NFIB: variants seen among roughly 807,000 people sequenced by gnomAD.
NFIB encodes nuclear factor I B.
A neutral mutation model predicts 61.5 loss-of-function variants in NFIB; 11 were observed. The observed-to-expected ratio is 0.18, with a 90% CI of 0.11 to 0.30. The LOEUF is 0.30. NFIB is among the 10% of genes least tolerant of loss of function. The probability of loss-of-function intolerance (pLI) is 1.00; values close to 1 mark genes in which losing one functional copy is unlikely to be tolerated. For missense variants in NFIB, 471 were observed against 608.9 expected, an observed-to-expected ratio of 0.77 and a Z score of 2.38; for synonymous variants, 260 against 216.5, an observed-to-expected ratio of 1.20 and a Z score of -1.76.
chr9:14,109,408 C>CG (rs1439375356), intron 10 of NFIB, among the ~76,000 whole-genome samples: 7 of 151,560 alleles, frequency 4.6e-5, no homozygotes, highest in South Asian at 2.1e-4. Flanking sequence ...TAAGTCGGGG[C>CG]GGGGGGGTGT....
intron 1 of NFIB, among the ~76,000 whole-genome samples, chr9:14,393,391 T>G (rs1271233132): frequency 1.3e-5 from 2 of 152,194 alleles, no homozygotes; most frequent in Non-Finnish European, 2.9e-5. Context: ...TTAAGCCTCT[T>G]TGACCCTGCC....
chr9:14,504,510 G>C, the NFIB span, among the ~76,000 whole-genome samples: 1 of 152,158 alleles, frequency 6.6e-6, no homozygotes, highest in Non-Finnish European at 1.5e-5. Context: ...TCTTTCAGCA[G>C]TGTTTTGTAG....
chr9:14,255,439 G>C (rs1008846507), intron 2 of NFIB, among the ~76,000 whole-genome samples: 1 of 152,116 alleles, frequency 6.6e-6, no homozygotes, highest in African/African-American at 2.4e-5. Context: ...ACTTTACCTT[G>C]TTTTACAATT....
the NFIB span, among the ~76,000 whole-genome samples, chr9:14,481,766 G>A: frequency 6.6e-6 from 1 of 152,106 alleles, no homozygotes; most frequent in Non-Finnish European, 1.5e-5. Flanking sequence ...TGGGCAGGAA[G>A]GAACCTGAGA....
In NFIB at chr9:14,088,020, TAC is replaced by T. The variant is rs993313318; in HGVS notation, c.*287_*288del. ...ATATCATCGACCCTTTTTATGTCATTACAGTTTCAACCTTAAGGGAATTAGTG... is the reference window on the plus strand; with the variant it reads ...ATATCATCGACCCTTTTTATGTCATTAGTTTCAACCTTAAGGGAATTAGTG... On this transcript the variant is annotated 3_prime_UTR_variant, in exon 11 of 11. Coordinates refer to ENST00000380953, the MANE Select transcript of NFIB (RefSeq NM_001190737.2). 4 of 466,042 alleles carry T rather than the reference TAC, an allele frequency of 8.6e-6. No individual in the cohort carries two copies. The highest frequency in any genetic ancestry group is 8.0e-5 in the African/African-American group (4 of 49,986). The allele number at this position is 466,042 out of a possible 1,614,324, so 28.9% of individuals were successfully genotyped here.
At chr9:14,186,728 C>T (rs1160462802) in intron 2 of NFIB, among the ~76,000 whole-genome samples, 3 of 151,774 alleles carry the variant, frequency 2.0e-5, no homozygotes, top group South Asian at 4.2e-4. Flanking sequence ...AGAACACTAG[C>T]TTTCCATAAT....
At chr9:14,207,047 C>G (rs1242203157) in intron 2 of NFIB, among the ~76,000 whole-genome samples, 1 of 152,158 alleles carries the variant, frequency 6.6e-6, no homozygotes, top group Non-Finnish European at 1.5e-5. Context: ...GGCTAACAGT[C>G]ATTGAGTATT....
At chr9:14,150,933 AT>A (rs1322001770) in intron 4 of NFIB, among the ~76,000 whole-genome samples, 1 of 152,114 alleles carries the variant, frequency 6.6e-6, no homozygotes, top group African/African-American at 2.4e-5. Context: ...ATCTCATGAT[AT>A]TTTGTATAAT....
the NFIB span, among the ~76,000 whole-genome samples, chr9:14,444,426 G>C: frequency 6.6e-6 from 1 of 152,190 alleles, no homozygotes; most frequent in Non-Finnish European, 1.5e-5. Context: ...CACTTGGGCT[G>C]CTTGATGGAA....
At chr9:14,201,943 T>C (rs769435837) in intron 2 of NFIB, among the ~76,000 whole-genome samples, 1 of 152,172 alleles carries the variant, frequency 6.6e-6, no homozygotes, top group Non-Finnish European at 1.5e-5. Flanking sequence ...CCATGTATCA[T>C]CCTTGGAACT....
intron 4 of NFIB, among the ~76,000 whole-genome samples, chr9:14,154,054 T>C (rs1266219392): frequency 6.6e-6 from 1 of 152,162 alleles, no homozygotes; most frequent in Non-Finnish European, 1.5e-5. Context: ...TAAGAATGAA[T>C]GAATGAAGTA....
the NFIB span, among the ~76,000 whole-genome samples, chr9:14,493,233 C>T: frequency 6.6e-6 from 1 of 152,160 alleles, no homozygotes; most frequent in African/African-American, 2.4e-5. Flanking sequence ...CTTATACTTT[C>T]CTACCATGTT....
At chr9:14,122,519 G>A (rs531588565) in intron 7 of NFIB, among the ~76,000 whole-genome samples, 9 of 152,206 alleles carry the variant, frequency 5.9e-5, no homozygotes, top group South Asian at 2.1e-4. Flanking sequence ...GAACAAATGC[G>A]TATTTCTTAA....
chr9:14,523,026 T>C, the NFIB span, among the ~76,000 whole-genome samples: 1 of 152,126 alleles, frequency 6.6e-6, no homozygotes, highest in South Asian at 2.1e-4. Flanking sequence ...AAAATAAGCA[T>C]GAGAGAGTTG....
intron 2 of NFIB, among the ~76,000 whole-genome samples, chr9:14,198,651 G>A (rs1460274994): frequency 6.6e-6 from 1 of 152,072 alleles, no homozygotes. Context: ...GACCTCACCC[G>A]CAATGACTGG....
At chr9:14,434,948 G>C in the NFIB span, among the ~76,000 whole-genome samples, 1 of 152,134 alleles carries the variant, frequency 6.6e-6, no homozygotes, top group Non-Finnish European at 1.5e-5. Flanking sequence ...GTATTGATTG[G>C]GTGCCCACAG....
chr9:14,390,480 T>G (rs6474830), intron 1 of NFIB, among the ~76,000 whole-genome samples: 2,618 of 151,868 alleles, frequency 0.017, 54 homozygotes, highest in African/African-American at 0.06. Flanking sequence ...TAAACTCAAG[T>G]GTAAGAGTAA....
At chr9:14,519,590 T>C in the NFIB span, among the ~76,000 whole-genome samples, 1 of 152,212 alleles carries the variant, frequency 6.6e-6, no homozygotes, top group South Asian at 2.1e-4. Context: ...CTTATTTGTA[T>C]ACTTTATACT....
At chr9:14,155,214 C>T (rs934099226) in intron 4 of NFIB, among the ~76,000 whole-genome samples, 32 of 152,092 alleles carry the variant, frequency 2.1e-4, no homozygotes, top group African/African-American at 5.6e-4. Flanking sequence ...AGGTAACGTC[C>T]CCTTTGCTTA....
Sources: allele counts gnomAD v4.1 joint callset (sites outside exome capture counted in the v4.1 genomes callset), GRCh38; gene constraint gnomAD v4.1.1; transcripts MANE v1.5; gene names NCBI Gene and HGNC (gene_info 2026-07-23, HGNC 2026-07-21).